The following BAIAP2 variants were observed in gnomAD, a reference collection of about 807,000 sequenced individuals.
BAIAP2 encodes the protein BAR/IMD domain-containing adapter protein 2.
A neutral mutation model predicts 63.0 loss-of-function variants in BAIAP2; 18 were observed. The observed-to-expected ratio is 0.29, with a 90% CI of 0.20 to 0.42. The LOEUF is 0.42. BAIAP2 is among the 10% of genes least tolerant of loss of function. BAIAP2 has a pLI of 1.00. For synonymous variants in BAIAP2, 386 were observed against 307.6 expected (o/e 1.25, Z -2.67); for missense variants, 610 against 734.3 (o/e 0.83, Z 1.96).
intron 6 of BAIAP2, among the ~76,000 whole-genome samples, chr17:81,088,278 G>GAT (rs955402775): frequency 4.6e-5 from 7 of 152,138 alleles, no homozygotes; most frequent in Admixed American, 3.9e-4. Context: ...GTGTTCTGGG[G>GAT]ATGGGGATAC....
chr17:81,092,848 A>G (rs1184282953), intron 6 of BAIAP2, among the ~76,000 whole-genome samples: 2 of 152,014 alleles, frequency 1.3e-5, no homozygotes, highest in East Asian at 3.9e-4. Context: ...GGCAGGGGAC[A>G]CCTTCTCTGT....
chr17:81,106,527 C>T (rs553792590), intron 11 of BAIAP2, among the ~76,000 whole-genome samples: 3 of 152,342 alleles, frequency 2.0e-5, no homozygotes, highest in Admixed American at 1.3e-4. Flanking sequence ...CAGCCCAGCC[C>T]CTCTGGAGTC....
chr17:81,035,776 C>T (rs991950369), intron 1 of BAIAP2, among the ~76,000 whole-genome samples: 1 of 152,070 alleles, frequency 6.6e-6, no homozygotes, highest in African/African-American at 2.4e-5. Context: ...CTGAAGGCCG[C>T]GGTCGGCGCG....
intron 7 of BAIAP2, among the ~76,000 whole-genome samples, chr17:81,100,505 T>G (rs1469627522): frequency 6.6e-6 from 1 of 151,920 alleles, no homozygotes; most frequent in Non-Finnish European, 1.5e-5. Context: ...GGCCCCTCTA[T>G]CCACAGTCCT....
chr17:81,050,952 T>C (rs141091884), intron 1 of BAIAP2, among the ~76,000 whole-genome samples: 70 of 151,956 alleles, frequency 4.6e-4, no homozygotes, highest in Non-Finnish European at 8.7e-4. Flanking sequence ...GCATGGTCAG[T>C]TTGAACCAGG....
At chr17:81,090,131 C>T (rs555049740) in intron 6 of BAIAP2, among the ~76,000 whole-genome samples, 3 of 152,316 alleles carry the variant, frequency 2.0e-5, no homozygotes, top group Admixed American at 1.3e-4. Flanking sequence ...TGGGCACAGC[C>T]TCAAGGCCCT....
intron 1 of BAIAP2, among the ~76,000 whole-genome samples, chr17:81,049,988 C>T (rs2048407625): frequency 6.6e-6 from 1 of 152,218 alleles, no homozygotes; most frequent in Non-Finnish European, 1.5e-5. Context: ...GACGCCTGAC[C>T]AGACGCCTGA....
At chr17:81,059,926 G>C (rs1256518790) in intron 3 of BAIAP2, among the ~76,000 whole-genome samples, 1 of 152,170 alleles carries the variant, frequency 6.6e-6, no homozygotes, top group East Asian at 1.9e-4. Flanking sequence ...CTTCCTGTTG[G>C]CGGAGTCCCT....
chr17:81,104,660 C>A lies in BAIAP2; in HGVS notation c.1213C>A (p.Leu405Met). 6.2e-7 allele frequency: 1 copy of A among 1,608,202 alleles called. No homozygotes were observed. The highest frequency in any genetic ancestry group is 8.5e-7 in the Non-Finnish European group (1 of 1,177,906). Residue 405 changes from leucine to methionine, a missense_variant, in exon 10 of 14, where the codon CTG (leucine) becomes ATG (methionine). Physicochemically the swap from Leu to Met is conservative, Grantham distance 15. This residue lies in a region of BAIAP2 where 67 missense variants were observed against 132.0 expected (regional missense o/e 0.51). Transcript: ENST00000428708. The stretch of plus-strand genomic sequence containing the variant: ...CAAGGAGGGTGACCTCATTACCCTG[C>A]TGGTGCCTGAGGCCCGCGATGGCTG... ...SFKEGDLITL[L>M]VPEARDGWHY...
intron 1 of BAIAP2, among the ~76,000 whole-genome samples, chr17:81,040,309 C>T (rs1033272879): frequency 2.6e-5 from 4 of 152,234 alleles, no homozygotes; most frequent in African/African-American, 7.2e-5. Context: ...CGGCCGGCGC[C>T]GTCAGCCGCC....
At chr17:81,098,420 G>GT (rs113631114) in intron 6 of BAIAP2, among the ~76,000 whole-genome samples, 2,975 of 149,088 alleles carry the variant, frequency 0.02, 98 homozygotes, top group African/African-American at 0.068. Context: ...TTCTTTTAAA[G>GT]TTTTTTTTTT....
At chr17:81,044,899 G>A (rs578158835) in intron 1 of BAIAP2, among the ~76,000 whole-genome samples, 5 of 152,258 alleles carry the variant, frequency 3.3e-5, no homozygotes, top group Admixed American at 6.5e-5. Context: ...CGTGTGGGCC[G>A]GACACCCCGT....
rs1382444458 is a variant in BAIAP2 at position 81,092,881 on chromosome 17, G to A, written c.489+6301G>A. 5.9e-5 allele frequency among the ~76,000 whole-genome samples: 9 copies of A among 152,304 alleles called. No individual in the cohort carries two copies. The East Asian group carries it at 7.7e-4, about 13-fold the overall frequency. On this transcript the variant is annotated intron_variant, in intron 6 of 13. Coordinates refer to ENST00000428708, the MANE Select transcript of BAIAP2 (RefSeq NM_001144888.2). ...TGTGGGTTTATCAGTGTGTCCGCGG[G>A]GCGTGGTCACAGCCTGGTCCAGCTC...
At chr17:81,094,564 C>G (rs189716612) in intron 6 of BAIAP2, among the ~76,000 whole-genome samples, 2 of 152,304 alleles carry the variant, frequency 1.3e-5, no homozygotes, top group Non-Finnish European at 2.9e-5. Flanking sequence ...GGCTTACCCT[C>G]TGCTCAGCCC....
chr17:81,068,486 G>A (rs114974466), intron 3 of BAIAP2, among the ~76,000 whole-genome samples: 9,187 of 152,304 alleles, frequency 0.06, 330 homozygotes, highest in African/African-American at 0.09. Flanking sequence ...CCCAGCTGTA[G>A]GAGGGCAGCG....
chr17:81,086,642 C>A (rs1194247399), intron 6 of BAIAP2, 62 bp downstream of exon 6: 7 of 1,587,916 alleles, frequency 4.4e-6, no homozygotes, highest in Non-Finnish European at 5.2e-6. Flanking sequence ...CACCCCTCGG[C>A]CCCCCTCGTC....
chr17:81,088,130 C>T (rs144076688), intron 6 of BAIAP2, among the ~76,000 whole-genome samples: 14 of 152,194 alleles, frequency 9.2e-5, no homozygotes, highest in Middle Eastern at 3.4e-3. Context: ...AAGCAGCGGA[C>T]GGCACCCCTG....
rs114760551 is a variant in BAIAP2 at position 81,038,286 on chromosome 17, G to A, written c.54+2978G>A. On this transcript the variant is annotated intron_variant, in intron 1 of 13. Coordinates refer to ENST00000428708, the MANE Select transcript of BAIAP2 (RefSeq NM_001144888.2). ...TGCTGAGGGGCTGGCTCCCTGGCTG[G>A]CTGTGTCTCCTGGAATGCCAGGAGA... Among the ~76,000 whole-genome samples the A allele has an allele frequency of 2.3e-3, 351 of 152,362 alleles. 1 individual carries two copies. The highest frequency in any genetic ancestry group is 7.9e-3 in the African/African-American group (330 of 41,588).
At chr17:81,035,606 C>T (rs1196883376) in intron 1 of BAIAP2, among the ~76,000 whole-genome samples, 2 of 150,678 alleles carry the variant, frequency 1.3e-5, no homozygotes, top group East Asian at 1.9e-4. Context: ...CGGCCCTGCT[C>T]GGCCCCCGCG....
Sources: allele counts gnomAD v4.1 joint callset (sites outside exome capture counted in the v4.1 genomes callset), GRCh38; gene constraint gnomAD v4.1.1; regional missense constraint gnomAD v4.1.1; transcripts MANE v1.5; gene names NCBI Gene and HGNC (gene_info 2026-07-23, HGNC 2026-07-21).